GALNT13: variants seen among roughly 807,000 people sequenced by gnomAD.
GALNT13 encodes polypeptide N-acetylgalactosaminyltransferase 13.
A neutral mutation model predicts 64.2 loss-of-function variants in GALNT13; 28 were observed. The observed-to-expected ratio is 0.44, with a 90% CI of 0.32 to 0.60. GALNT13 has a LOEUF of 0.60. Among genes scored for constraint, GALNT13 ranks in the 20% least tolerant of loss-of-function variants. The pLI, the probability that GALNT13 is intolerant of heterozygous loss-of-function variation, is 0.05. For missense variants in GALNT13, 577 were observed against 669.8 expected (o/e 0.86, Z 1.53); for synonymous variants, 214 against 224.6 (o/e 0.95, Z 0.42).
rs117197588 is a variant in GALNT13, at chr2:153,985,542, G to T, written c.142+40903G>T. Reference sequence around the variant, plus strand: ...TTTCATATCATTTGTTCTATTTTCAGCACCAAACTCAGTACCCGGCATAAT... The same window carrying T: ...TTTCATATCATTTGTTCTATTTTCATCACCAAACTCAGTACCCGGCATAAT... On this transcript the variant is annotated intron_variant, in intron 3 of 12. Coordinates refer to ENST00000392825, the MANE Select transcript of GALNT13 (RefSeq NM_052917.4). 2.9e-4 allele frequency among the ~76,000 whole-genome samples: 44 copies of T among 151,902 alleles called. No homozygotes were observed. The East Asian group carries it at 7.4e-3, about 25-fold the overall frequency.
At position 154,348,202 on chromosome 2, in the gene GALNT13, T is replaced by A. The variant is rs189408099; in HGVS notation, c.1156+46613T>A. ...TAATCTTGGTCTTGGTTCTAACTCC[T>A]GGCGCTTAACCACTGTGCAATCCTG... On this transcript the variant is annotated intron_variant, in intron 9 of 12. Coordinates refer to ENST00000392825, the MANE Select transcript of GALNT13 (RefSeq NM_052917.4). 2.3e-3 allele frequency among the ~76,000 whole-genome samples: 351 copies of A among 152,232 alleles called. 1 individual carries two copies. The highest frequency in any genetic ancestry group is 0.014 in the Middle Eastern group (4 of 294).
At chr2:153,884,331 A>T (rs55882129) in intron 1 of GALNT13, among the ~76,000 whole-genome samples, 4 of 152,054 alleles carry the variant, frequency 2.6e-5, no homozygotes, top group Non-Finnish European at 5.9e-5. Flanking sequence ...ATTTCCACAG[A>T]TTCCAACCAC....
intron 2 of GALNT13, among the ~76,000 whole-genome samples, chr2:153,935,218 G>A (rs1161358677): frequency 6.6e-6 from 1 of 152,122 alleles, no homozygotes; most frequent in Non-Finnish European, 1.5e-5. Flanking sequence ...TCTAAGAACA[G>A]TGTATTATCC....
At chr2:153,635,183 T>C in the GALNT13 span, among the ~76,000 whole-genome samples, 4 of 152,016 alleles carry the variant, frequency 2.6e-5, no homozygotes, top group Non-Finnish European at 5.9e-5. Context: ...TTTGATCCTT[T>C]GGTAGACCCA....
chr2:153,277,321 C>T, the GALNT13 span, among the ~76,000 whole-genome samples: 6 of 152,238 alleles, frequency 3.9e-5, no homozygotes, highest in South Asian at 1.0e-3. Flanking sequence ...TTTTCAGTTC[C>T]TGTGTTAATT....
the GALNT13 span, among the ~76,000 whole-genome samples, chr2:153,170,377 A>G: frequency 6.6e-6 from 1 of 152,182 alleles, no homozygotes; most frequent in Non-Finnish European, 1.5e-5. Context: ...AATTTTGTTT[A>G]TTAGGGAAAT....
At chr2:153,439,007 G>C in the GALNT13 span, among the ~76,000 whole-genome samples, 2 of 152,056 alleles carry the variant, frequency 1.3e-5, no homozygotes, top group African/African-American at 4.8e-5. Context: ...TGGTGTGGAT[G>C]TCCTTTCTGT....
At chr2:153,185,308 C>T in the GALNT13 span, among the ~76,000 whole-genome samples, 1 of 151,856 alleles carries the variant, frequency 6.6e-6, no homozygotes, top group African/African-American at 2.4e-5. Flanking sequence ...GTGATATCTC[C>T]CTTATCATTT....
intron 9 of GALNT13, among the ~76,000 whole-genome samples, chr2:154,355,388 C>T (rs1193686512): frequency 6.6e-6 from 1 of 152,024 alleles, no homozygotes; most frequent in African/African-American, 2.4e-5. Flanking sequence ...CAATCTAATC[C>T]TTCCTTGAAT....
At chr2:153,789,230 C>T in the GALNT13 span, among the ~76,000 whole-genome samples, 14 of 151,838 alleles carry the variant, frequency 9.2e-5, no homozygotes, top group East Asian at 1.9e-4. Flanking sequence ...TGCAAAGAAC[C>T]GAAATGACAC....
chr2:153,629,822 C>G, the GALNT13 span, among the ~76,000 whole-genome samples: 1 of 146,996 alleles, frequency 6.8e-6, no homozygotes, highest in Non-Finnish European at 1.5e-5. Context: ...ACAACCCCAT[C>G]AAAAAGTGGG....
At chr2:153,339,511 T>C in the GALNT13 span, among the ~76,000 whole-genome samples, 7 of 152,220 alleles carry the variant, frequency 4.6e-5, no homozygotes, top group African/African-American at 1.7e-4. Flanking sequence ...TTTTGGATAT[T>C]AACTGTGTGT....
At chr2:153,419,942 A>C in the GALNT13 span, among the ~76,000 whole-genome samples, 161 of 152,326 alleles carry the variant, frequency 1.1e-3, no homozygotes, top group African/African-American at 3.7e-3. Flanking sequence ...ATCTATATAT[A>C]GTTTACAACA....
At chr2:153,411,179 A>T in the GALNT13 span, among the ~76,000 whole-genome samples, 23,625 of 127,950 alleles carry the variant, frequency 0.18, 2,115 homozygotes, top group Non-Finnish European at 0.23. Context: ...ATATATATAT[A>T]TTTTTTTTTT....
At chr2:153,517,294 A>G in the GALNT13 span, among the ~76,000 whole-genome samples, 33 of 152,234 alleles carry the variant, frequency 2.2e-4, no homozygotes, top group African/African-American at 3.4e-4. Flanking sequence ...TTCAGATTCA[A>G]TAGACCCTGA....
At chr2:153,967,815 G>C (rs987398122) in intron 3 of GALNT13, among the ~76,000 whole-genome samples, 10 of 152,094 alleles carry the variant, frequency 6.6e-5, no homozygotes, top group African/African-American at 2.4e-4. Context: ...GGTGATTCCT[G>C]CTGAGACTTG....
intron 4 of GALNT13, among the ~76,000 whole-genome samples, chr2:154,176,240 A>ATTTATTTATTTAT (rs1553489591): frequency 7.5e-6 from 1 of 132,740 alleles, no homozygotes; most frequent in South Asian, 2.6e-4. Context: ...GAACATATAT[A>ATTTATTTATTTAT]TTATTTATTT....
At chr2:153,883,968 G>A (rs1464366322) in intron 1 of GALNT13, among the ~76,000 whole-genome samples, 1 of 151,970 alleles carries the variant, frequency 6.6e-6, no homozygotes. Context: ...TATCAAGACT[G>A]ACAATGTCAC....
the GALNT13 span, among the ~76,000 whole-genome samples, chr2:153,347,468 T>C: frequency 2.6e-5 from 4 of 152,204 alleles, no homozygotes; most frequent in East Asian, 7.7e-4. Context: ...TGTAAGACAT[T>C]AAAACCCAAA....
Sources: gnomAD v4.1 joint callset for allele counts (sites outside exome capture counted in the v4.1 genomes callset) on GRCh38, gnomAD v4.1.1 for gene constraint, MANE v1.5 for transcripts, NCBI Gene and HGNC (gene_info 2026-07-23, HGNC 2026-07-21) for gene names.